Variants in ARHGAP32 observed in about 807,000 individuals in gnomAD.
The protein encoded by ARHGAP32 is rho GTPase-activating protein 32.
A neutral mutation model predicts 186.5 loss-of-function variants in ARHGAP32; 51 were observed. That is an observed-to-expected ratio of 0.27 (90% CI 0.22 to 0.35). The LOEUF (loss-of-function observed/expected upper bound fraction) is 0.35. ARHGAP32 is among the 10% of genes least tolerant of loss of function. ARHGAP32 has a pLI of 1.00. For synonymous variants in ARHGAP32, 950 were observed against 964.3 expected (o/e 0.99, Z 0.27); for missense variants, 2,186 against 2,623.5 (o/e 0.83, Z 3.64).
At chr11:128,977,028 T>C (rs1172335247) in intron 19 of ARHGAP32, among the ~76,000 whole-genome samples, 1 of 152,144 alleles carries the variant, frequency 6.6e-6, no homozygotes, top group Non-Finnish European at 1.5e-5. Flanking sequence ...AACACAGAGA[T>C]GGCCATGTGG....
chr11:129,166,257 T>TA (rs555696518), intron 1 of ARHGAP32, among the ~76,000 whole-genome samples: 7 of 151,040 alleles, frequency 4.6e-5, no homozygotes, highest in African/African-American at 4.9e-5. Context: ...AGACTTGGTT[T>TA]AAAAAAAAAG....
At chr11:129,061,008 A>G (rs1191901701) in intron 10 of ARHGAP32, among the ~76,000 whole-genome samples, 3 of 152,150 alleles carry the variant, frequency 2.0e-5, no homozygotes, top group Non-Finnish European at 4.4e-5. Context: ...CTGGAGCCAG[A>G]GCCCACTCTT....
At chr11:129,023,290 C>T (rs1354211355) in intron 11 of ARHGAP32, among the ~76,000 whole-genome samples, 3 of 152,110 alleles carry the variant, frequency 2.0e-5, no homozygotes, top group Non-Finnish European at 4.4e-5. Context: ...GTTATCCTTA[C>T]CAATGCCAAT....
upstream of ARHGAP32, among the ~76,000 whole-genome samples, chr11:129,196,818 A>G (rs1031483489): frequency 1.3e-5 from 2 of 152,122 alleles, no homozygotes; most frequent in African/African-American, 4.8e-5. Flanking sequence ...AGCACTTGAG[A>G]GGCCAAGGCA....
chr11:129,078,364 A>G lies in ARHGAP32; in HGVS notation c.532-11496T>C, dbSNP rs145819142. Among the ~76,000 whole-genome samples the G allele has an allele frequency of 1.4e-3, 218 of 152,356 alleles. 1 individual carries two copies. Among genetic ancestry groups the G allele is most frequent in the African/African-American group, 4.8e-3 (201 of 41,584 alleles). On this transcript the variant is annotated intron_variant, in intron 6 of 22. Transcript: ENST00000682385. ...TAGTCCACCCAAATGAGAAGGAACC[A>G]GAAAAAACAACTCTGGTAAGATGAC...
chr11:129,219,011 A>T (rs1944680817), intron 1 of ARHGAP32, among the ~76,000 whole-genome samples: 1 of 152,176 alleles, frequency 6.6e-6, no homozygotes, highest in African/African-American at 2.4e-5. Flanking sequence ...AGGGAGCACT[A>T]AAGTCAGCAT....
At chr11:129,036,154 G>A (rs976821200) in intron 11 of ARHGAP32, among the ~76,000 whole-genome samples, 9 of 151,970 alleles carry the variant, frequency 5.9e-5, no homozygotes, top group Admixed American at 2.0e-4. Flanking sequence ...TGAGGTGGGC[G>A]GATCACCTGA....
intron 1 of ARHGAP32, among the ~76,000 whole-genome samples, chr11:129,174,769 A>G (rs557925383): frequency 1.2e-4 from 19 of 152,224 alleles, no homozygotes; most frequent in African/African-American, 4.6e-4. Context: ...CAGAAAGCAC[A>G]TCCACACCAA....
chr11:129,267,267 G>C (rs934792991), intron 1 of ARHGAP32, among the ~76,000 whole-genome samples: 1 of 152,142 alleles, frequency 6.6e-6, no homozygotes, highest in Non-Finnish European at 1.5e-5. Flanking sequence ...AGGAGGTTGA[G>C]GCAGGAAAAT....
Position 129,066,713 on chromosome 11 carries a change from A to C in ARHGAP32, c.669+18T>G, listed in dbSNP as rs1205232829. On this transcript the variant is annotated intron_variant, in intron 7 of 22. Transcript: ENST00000682385. ...ATATATAGTGATTACCTCTGTACTA[A>C]ATGTACTAAATGCTTACCTCTGGAC... The C allele has an allele frequency of 1.9e-6, 3 of 1,608,988 alleles. No individual in the cohort carries two copies. In the Admixed American group the frequency reaches 5.1e-5, roughly 27 times the overall value.
rs114951099 is a variant in ARHGAP32 at position 129,275,852 on chromosome 11, T to C, written c.-5+3294A>G. On this transcript the variant is annotated intron_variant, in intron 1 of 6. Transcript: ENST00000525234. ...ATCATTCTTAGCCATGGGCCAGATA[T>C]GGCCTGCAGGCTACAGTTTGCCCAT... is the stretch of plus-strand genomic sequence containing the variant. Among the ~76,000 whole-genome samples the C allele has an allele frequency of 6.4e-3, 973 of 152,400 alleles. 12 individuals are homozygous for C. Among genetic ancestry groups the C allele is most frequent in the African/African-American group, 0.022 (932 of 41,600 alleles).
In ARHGAP32 at chr11:129,087,906, A is replaced by G. The variant is rs559877729; in HGVS notation, c.531+5715T>C. Among the ~76,000 whole-genome samples, 93 of 152,360 alleles carry G rather than the reference A, an allele frequency of 6.1e-4. 1 individual carries two copies. Among genetic ancestry groups the G allele is most frequent in the Admixed American group, 5.9e-3 (91 of 15,300 alleles). ...TGAATGTAAAACTTGTCTGAAAAAT[A>G]AAAAGTTATTAATTTTTTGAAAAAT... On this transcript the variant is annotated intron_variant, in intron 6 of 22. Coordinates refer to ENST00000682385, the MANE Select transcript of ARHGAP32 (RefSeq NM_001378024.1).
intron 11 of ARHGAP32, among the ~76,000 whole-genome samples, chr11:129,014,452 G>C (rs1247955482): frequency 1.3e-5 from 2 of 152,158 alleles, no homozygotes; most frequent in Non-Finnish European, 2.9e-5. Context: ...TCTAGGAATT[G>C]GTTCCCAGAA....
At chr11:129,142,158 C>A (rs1454734377) in intron 2 of ARHGAP32, among the ~76,000 whole-genome samples, 1 of 152,064 alleles carries the variant, frequency 6.6e-6, no homozygotes, top group Non-Finnish European at 1.5e-5. Flanking sequence ...GTAGTGGAGA[C>A]CCCTCTCAAG....
intron 1 of ARHGAP32, among the ~76,000 whole-genome samples, chr11:129,197,523 C>CATGAAT (rs1218409823): frequency 3.3e-5 from 5 of 152,106 alleles, no homozygotes; most frequent in Non-Finnish European, 1.5e-5. Context: ...CAGACTGCTT[C>CATGAAT]ATGAATATGA....
At position 128,970,825 on chromosome 11, in the gene ARHGAP32, G is replaced by A. The variant is rs764257016; in HGVS notation, c.4388C>T (p.Thr1463Ile). 1.1e-5 allele frequency: 17 copies of A among 1,614,122 alleles called. No individual in the cohort carries two copies. The South Asian group carries it at 1.3e-4, about 13-fold the overall frequency. Residue 1463 changes from threonine to isoleucine, a missense_variant, in exon 23 of 23, where the codon ACC becomes ATC. By Grantham distance (89) the Thr-to-Ile change is moderately conservative. Transcript: ENST00000682385. This position sits in a 1 kb window ranked among gnomAD's most constrained non-coding sequence, Gnocchi z 5.8. ...NYHSFVTASSTSVDDALPLPL... is the reference protein window; with the variant it reads ...NYHSFVTASSISVDDALPLPL... The stretch of plus-strand genomic sequence containing the variant: ...TAAAGGCAATGCATCGTCCACAGAG[G>A]TGGATGAAGCAGTGACAAAGGAATG...
chr11:129,114,796 C>T (rs1942317900), intron 5 of ARHGAP32, among the ~76,000 whole-genome samples: 1 of 151,990 alleles, frequency 6.6e-6, no homozygotes, highest in South Asian at 2.1e-4. Context: ...GTTATTTTTC[C>T]TGTATTGAGT....
intron 12 of ARHGAP32, among the ~76,000 whole-genome samples, chr11:128,994,199 G>C (rs762751742): frequency 2.0e-5 from 3 of 151,066 alleles, no homozygotes; most frequent in Admixed American, 6.6e-5. Flanking sequence ...TTGTTGCCCA[G>C]ACTGGAGTGC....
intron 12 of ARHGAP32, among the ~76,000 whole-genome samples, chr11:128,994,070 GA>G (rs1380910695): frequency 6.6e-6 from 1 of 152,026 alleles, no homozygotes; most frequent in East Asian, 1.9e-4. Flanking sequence ...AAACATAACT[GA>G]AACTTCTAAG....
Sources: gnomAD v4.1 joint callset for allele counts (sites outside exome capture counted in the v4.1 genomes callset) on GRCh38, gnomAD v4.1.1 for gene constraint, Gnocchi (gnomAD v3.1) non-coding constraint, MANE v1.5 for transcripts, NCBI Gene and HGNC (gene_info 2026-07-23, HGNC 2026-07-21) for gene names.